Variants in GLDC observed in about 807,000 individuals in gnomAD.
GLDC encodes the protein glycine decarboxylase, also known as glycine dehydrogenase (decarboxylating), mitochondrial.
Under a neutral mutation model 121.3 loss-of-function variants are expected in GLDC, and 104 were observed. That is an observed-to-expected ratio of 0.86 (90% CI 0.73 to 1.01). The LOEUF (loss-of-function observed/expected upper bound fraction) is 1.01, where lower values mean the gene tolerates loss of function less well. Among genes scored for constraint, GLDC ranks in the 50% least tolerant of loss-of-function variants. The pLI is 0.00. For missense variants in GLDC, 1,429 were observed against 1,306.6 expected (o/e 1.09, Z -1.44); for synonymous variants, 546 against 480.6 (o/e 1.14, Z -1.78).
intron 2 of GLDC, among the ~76,000 whole-genome samples, chr9:6,630,200 C>G (rs887870116): frequency 6.6e-6 from 1 of 151,564 alleles, no homozygotes; most frequent in African/African-American, 2.4e-5. Context: ...ACCCAGGAGG[C>G]GGAGCTTGCA....
At chr9:6,609,536 A>T (rs527365692) in intron 4 of GLDC, among the ~76,000 whole-genome samples, 26 of 152,092 alleles carry the variant, frequency 1.7e-4, no homozygotes, top group Non-Finnish European at 1.5e-5. Context: ...GGAACAACGG[A>T]GAGGCTCCCG....
intron 16 of GLDC, among the ~76,000 whole-genome samples, chr9:6,563,543 G>A (rs1817797987): frequency 6.6e-6 from 1 of 152,204 alleles, no homozygotes; most frequent in African/African-American, 2.4e-5. Flanking sequence ...GGGAAAAACA[G>A]ACAGGAGAGA....
chr9:6,632,812 G>C (rs368589118), intron 2 of GLDC, among the ~76,000 whole-genome samples: 3 of 152,054 alleles, frequency 2.0e-5, no homozygotes, highest in African/African-American at 7.2e-5. Context: ...TCCTCCCCTC[G>C]GCTGAACTCA....
At chr9:6,552,121 T>C (rs868382418) in intron 20 of GLDC, among the ~76,000 whole-genome samples, 2 of 152,108 alleles carry the variant, frequency 1.3e-5, no homozygotes, top group African/African-American at 4.8e-5. Flanking sequence ...GGTGCGCCTG[T>C]GGAATTGCAG....
At chr9:6,638,048 T>G (rs1819543714) in intron 2 of GLDC, among the ~76,000 whole-genome samples, 1 of 152,124 alleles carries the variant, frequency 6.6e-6, no homozygotes, top group Non-Finnish European at 1.5e-5. Flanking sequence ...GACATTTATC[T>G]GAATATCCCC....
At chr9:6,644,736 A>C (rs1819704396) in intron 1 of GLDC, 44 bp from the exon 2 acceptor site, 1 of 1,301,522 alleles carries the variant, frequency 7.7e-7, no homozygotes, top group Non-Finnish European at 1.1e-6. Flanking sequence ...TCTGAGTTAA[A>C]AGAGTCACCT....
At chr9:6,612,474 C>T (rs1051311708) in intron 3 of GLDC, among the ~76,000 whole-genome samples, 1 of 152,072 alleles carries the variant, frequency 6.6e-6, no homozygotes, top group Non-Finnish European at 1.5e-5. Flanking sequence ...TGGCTCACAC[C>T]TGTAACCCTT....
At chr9:6,586,367 C>T (rs1014029985) in intron 15 of GLDC, among the ~76,000 whole-genome samples, 5 of 152,224 alleles carry the variant, frequency 3.3e-5, no homozygotes, top group South Asian at 2.1e-4. Flanking sequence ...ATGATCAGTG[C>T]GTCTGGAGCG....
chr9:6,607,433 C>G (rs1818757690), intron 4 of GLDC, among the ~76,000 whole-genome samples: 1 of 151,556 alleles, frequency 6.6e-6, no homozygotes, highest in Non-Finnish European at 1.5e-5. Flanking sequence ...AACTACAAAA[C>G]GTAGCCAGGC....
chr9:6,560,768 T>A (rs993170956), intron 16 of GLDC, among the ~76,000 whole-genome samples: 1 of 152,188 alleles, frequency 6.6e-6, no homozygotes, highest in Non-Finnish European at 1.5e-5. Context: ...CCCAAAGACA[T>A]CCCTGTCCTA....
intron 18 of GLDC, 199 bp from the exon 19 acceptor site, chr9:6,554,980 G>T (rs1024330693): frequency 7.9e-6 from 5 of 634,094 alleles, no homozygotes; most frequent in African/African-American, 7.3e-5. Context: ...CAGAGTGCTT[G>T]TGGTTGCTAT....
At chr9:6,642,981 C>A (rs979711977) in intron 2 of GLDC, among the ~76,000 whole-genome samples, 2 of 151,974 alleles carry the variant, frequency 1.3e-5, no homozygotes, top group Admixed American at 1.3e-4. Flanking sequence ...TCGCTGCAAC[C>A]TCCACTGCCC....
At chr9:6,610,554 G>A (rs187330719) in intron 3 of GLDC, among the ~76,000 whole-genome samples, 198 bp from the exon 4 acceptor site, 6 of 152,274 alleles carry the variant, frequency 3.9e-5, no homozygotes, top group Non-Finnish European at 8.8e-5. Context: ...TTTGTTTGGG[G>A]ATAAGCAGTA....
intron 15 of GLDC, chr9:6,567,186 AGTCACCCCGTTCCTC>A (rs1408097286): frequency 6.6e-6 from 1 of 152,148 alleles, no homozygotes; most frequent in African/African-American, 2.4e-5. Context: ...ACAAGACCTG[AGTCACCCCGTTCCTC>A]GTCACCCGCA....
chr9:6,541,412 A>T (rs967872596), intron 21 of GLDC: 11 of 152,272 alleles, frequency 7.2e-5, no homozygotes, highest in Non-Finnish European at 1.5e-5. Flanking sequence ...AAATGAATCC[A>T]CTTATAGAGA....
At chr9:6,542,465 G>A (rs926411670) in intron 21 of GLDC, 1 of 152,008 alleles carries the variant, frequency 6.6e-6, no homozygotes, top group African/African-American at 2.4e-5. Context: ...TCAAACTCCT[G>A]GGCTCAAGTG....
At chr9:6,617,085 T>C (rs1818981084) in intron 3 of GLDC, among the ~76,000 whole-genome samples, 1 of 152,192 alleles carries the variant, frequency 6.6e-6, no homozygotes, top group African/African-American at 2.4e-5. Flanking sequence ...ATGTCATCCA[T>C]TTATTTTCCC....
At chr9:6,593,692 T>A (rs886482414) in intron 9 of GLDC, among the ~76,000 whole-genome samples, 1 of 131,178 alleles carries the variant, frequency 7.6e-6, no homozygotes, top group Non-Finnish European at 1.6e-5. Flanking sequence ...ATTTAATCAC[T>A]TTTTTTTTTT....
chr9:6,611,324 A>AG (rs1563860345), intron 3 of GLDC, among the ~76,000 whole-genome samples: 2 of 152,202 alleles, frequency 1.3e-5, no homozygotes, highest in Non-Finnish European at 2.9e-5. Flanking sequence ...TTGGGAGGTC[A>AG]AGGCGGGCGG....
Sources: gnomAD v4.1 joint callset for allele counts (sites outside exome capture counted in the v4.1 genomes callset) on GRCh38, gnomAD v4.1.1 for gene constraint, MANE v1.5 for transcripts, NCBI Gene and HGNC (gene_info 2026-07-23, HGNC 2026-07-21) for gene names.